Variants in TMEM132D observed in about 807,000 individuals in gnomAD.
TMEM132D encodes the protein transmembrane protein 132D.
Under a neutral mutation model 62.3 loss-of-function variants are expected in TMEM132D, and 21 were observed. The observed-to-expected ratio is 0.34, with a 90% CI of 0.24 to 0.49. TMEM132D has a LOEUF of 0.49. Among genes scored for constraint, TMEM132D ranks in the 20% least tolerant of loss-of-function variants. The pLI, the probability that TMEM132D is intolerant of heterozygous loss-of-function variation, is 0.99. For missense variants in TMEM132D, 1,346 were observed against 1,402.8 expected, an observed-to-expected ratio of 0.96 and a Z score of 0.65; for synonymous variants, 621 against 575.6, an observed-to-expected ratio of 1.08 and a Z score of -1.13.
At chr12:129,749,329 C>T (rs373537938) in intron 1 of TMEM132D, among the ~76,000 whole-genome samples, 3 of 152,278 alleles carry the variant, frequency 2.0e-5, no homozygotes, top group South Asian at 2.1e-4. Flanking sequence ...GTGGAGGCCA[C>T]ACACACACGT....
intron 3 of TMEM132D, among the ~76,000 whole-genome samples, chr12:129,473,327 T>TTTTTG (rs1874154420): frequency 7.7e-6 from 1 of 129,454 alleles, no homozygotes; most frequent in African/African-American, 3.1e-5. Context: ...AGTTTTTGTT[T>TTTTTG]TTTTTTTTTT....
At chr12:129,683,478 C>G (rs1565947893) in intron 2 of TMEM132D, among the ~76,000 whole-genome samples, 2 of 152,296 alleles carry the variant, frequency 1.3e-5, no homozygotes, top group East Asian at 3.9e-4. Flanking sequence ...ATTGAGCAAT[C>G]TCATAAAATT....
At chr12:129,303,690 C>T (rs551228829) in intron 4 of TMEM132D, among the ~76,000 whole-genome samples, 465 of 152,140 alleles carry the variant, frequency 3.1e-3, no homozygotes, top group Non-Finnish European at 5.1e-3. Context: ...CAGATGTGTA[C>T]GAGAAGATTT....
At chr12:129,262,556 T>C (rs1164382508) in intron 4 of TMEM132D, 1 of 152,254 alleles carries the variant, frequency 6.6e-6, no homozygotes, top group African/African-American at 2.4e-5. Flanking sequence ...GGTGGGCTCA[T>C]GGCTGTCTGA....
Position 129,339,351 on chromosome 12 carries a change from G to A in TMEM132D, c.1116-1534C>T, listed in dbSNP as rs574693509. Among the ~76,000 whole-genome samples the A allele has an allele frequency of 1.2e-3, 52 of 42,238 alleles. No individual in the cohort carries two copies. The South Asian group carries it at 0.015, about 12-fold the overall frequency. 27.7% of individuals were successfully genotyped at this position (42,238 alleles called of 152,430 possible). A position where few individuals can be genotyped will look rare whatever the true frequency, so the allele number is the denominator to read the frequency against. ...GAAAGAGGAGGGGAAGGAGGGGGCC[G>A]GAGAAATGAGATGAGAAGAACTGCC... On this transcript the variant is annotated intron_variant, in intron 3 of 8. Coordinates refer to ENST00000422113, the MANE Select transcript of TMEM132D (RefSeq NM_133448.3).
chr12:129,261,859 G>A (rs764830233), intron 4 of TMEM132D, among the ~76,000 whole-genome samples: 3 of 152,172 alleles, frequency 2.0e-5, no homozygotes, highest in Non-Finnish European at 4.4e-5. Flanking sequence ...ATACAGTCAC[G>A]TTCTGAAGTC....
At chr12:129,422,888 A>ATGTATACATATACATAT (rs1491047201) in intron 3 of TMEM132D, among the ~76,000 whole-genome samples, 3 of 150,594 alleles carry the variant, frequency 2.0e-5, no homozygotes, top group Non-Finnish European at 4.4e-5. Flanking sequence ...ATATATATAT[A>ATGTATACATATACATAT]TATGTATACA....
At chr12:129,399,568 G>A (rs1871551445) in intron 3 of TMEM132D, among the ~76,000 whole-genome samples, 1 of 150,762 alleles carries the variant, frequency 6.6e-6, no homozygotes, top group African/African-American at 2.4e-5. Context: ...AAGTTTCCAA[G>A]ACATGAGCTT....
chr12:129,775,191 A>G (rs1282618442), intron 1 of TMEM132D, among the ~76,000 whole-genome samples: 1 of 152,156 alleles, frequency 6.6e-6, no homozygotes, highest in Non-Finnish European at 1.5e-5. Context: ...AAGTGTTGCT[A>G]TTGATTCTGA....
At chr12:129,697,705 C>T (rs1378073790) in intron 2 of TMEM132D, among the ~76,000 whole-genome samples, 1 of 152,200 alleles carries the variant, frequency 6.6e-6, no homozygotes, top group Non-Finnish European at 1.5e-5. Context: ...TTAGAAGCTT[C>T]AAATGCATTT....
intron 5 of TMEM132D, among the ~76,000 whole-genome samples, chr12:129,129,940 T>G (rs1876322843): frequency 6.6e-6 from 1 of 151,922 alleles, no homozygotes; most frequent in Admixed American, 6.6e-5. Context: ...TTATTCTCCC[T>G]AGCCCAACCT....
At chr12:129,673,196 G>A (rs58107565) in intron 2 of TMEM132D, among the ~76,000 whole-genome samples, 23,070 of 152,088 alleles carry the variant, frequency 0.15, 2,126 homozygotes, top group Non-Finnish European at 0.2. Context: ...ACCATGAATC[G>A]CTTCTCCATT....
intron 4 of TMEM132D, chr12:129,262,331 T>C (rs1401930198): frequency 6.6e-6 from 1 of 152,224 alleles, no homozygotes; most frequent in African/African-American, 2.4e-5. Flanking sequence ...ATTTAGTCTT[T>C]AGTAGTAACA....
chr12:129,513,464 G>C (rs1345171650), intron 3 of TMEM132D, among the ~76,000 whole-genome samples: 1 of 151,262 alleles, frequency 6.6e-6, no homozygotes, highest in Non-Finnish European at 1.5e-5. Flanking sequence ...CACGTAGTGG[G>C]AAAAAAACAA....
At chr12:129,219,252 C>T (rs1362586037) in intron 4 of TMEM132D, among the ~76,000 whole-genome samples, 1 of 152,094 alleles carries the variant, frequency 6.6e-6, no homozygotes, top group Non-Finnish European at 1.5e-5. Context: ...GTGAATAAGT[C>T]TCATGAGATC....
intron 1 of TMEM132D, among the ~76,000 whole-genome samples, chr12:129,774,006 T>A (rs558663792): frequency 6.6e-6 from 1 of 152,300 alleles, no homozygotes; most frequent in Non-Finnish European, 1.5e-5. Flanking sequence ...TGAATACATG[T>A]TTGCTACTAT....
At chr12:129,364,237 G>A (rs759524407) in intron 3 of TMEM132D, among the ~76,000 whole-genome samples, 11 of 152,080 alleles carry the variant, frequency 7.2e-5, no homozygotes, top group Admixed American at 2.6e-4. Flanking sequence ...TTGAGCCTCA[G>A]GTTTTTAAAC....
At chr12:129,672,695 A>G (rs575746163) in intron 2 of TMEM132D, among the ~76,000 whole-genome samples, 1 of 152,334 alleles carries the variant, frequency 6.6e-6, no homozygotes, top group South Asian at 2.1e-4. Flanking sequence ...TACAATCTAC[A>G]TATGTGCATA....
At chr12:129,859,348 C>T (rs974724150) in intron 1 of TMEM132D, among the ~76,000 whole-genome samples, 3 of 152,124 alleles carry the variant, frequency 2.0e-5, no homozygotes, top group Admixed American at 6.5e-5. Flanking sequence ...TAGCAAAAAC[C>T]GCAATTACTT....
Sources: gnomAD v4.1 joint callset for allele counts (sites outside exome capture counted in the v4.1 genomes callset) on GRCh38, gnomAD v4.1.1 for gene constraint, MANE v1.5 for transcripts, NCBI Gene and HGNC (gene_info 2026-07-23, HGNC 2026-07-21) for gene names.